Variants in RNF180 observed in about 807,000 individuals in gnomAD.
RNF180 encodes E3 ubiquitin-protein ligase RNF180.
RNF180 carries 38 observed loss-of-function variants against 59.2 expected under a neutral mutation model. The ratio of observed to expected loss-of-function variants is 0.64; its 90% CI spans 0.50 to 0.84. The LOEUF (loss-of-function observed/expected upper bound fraction) is 0.84, where lower values mean the gene tolerates loss of function less well. RNF180 is among the 40% of genes least tolerant of loss of function. RNF180 has a pLI of 0.00. For missense variants in RNF180, 705 were observed against 700.9 expected, an observed-to-expected ratio of 1.01 and a Z score of -0.07; for synonymous variants, 262 against 240.3, an observed-to-expected ratio of 1.09 and a Z score of -0.84.
intron 2 of RNF180, among the ~76,000 whole-genome samples, chr5:64,209,894 C>A (rs1418203648): frequency 6.6e-6 from 1 of 151,998 alleles, no homozygotes; most frequent in Non-Finnish European, 1.5e-5. Flanking sequence ...TGTATCCATA[C>A]CTTTATTTTG....
intron 5 of RNF180, among the ~76,000 whole-genome samples, chr5:64,219,288 C>T (rs527628367): frequency 6.6e-6 from 1 of 151,978 alleles, no homozygotes; most frequent in Non-Finnish European, 1.5e-5. Flanking sequence ...GATAGTCTTG[C>T]ATTCCCGCCA....
intron 7 of RNF180, among the ~76,000 whole-genome samples, chr5:64,352,388 CTG>C (rs1745851804): frequency 6.6e-6 from 1 of 151,332 alleles, no homozygotes; most frequent in South Asian, 2.1e-4. Context: ...AGGGTTTTTT[CTG>C]TCTCTATCTC....
intron 5 of RNF180, among the ~76,000 whole-genome samples, chr5:64,308,033 G>T (rs1240835467): frequency 6.6e-6 from 1 of 151,720 alleles, no homozygotes; most frequent in African/African-American, 2.4e-5. Flanking sequence ...TTAATAGTAT[G>T]AATTTTAGAA....
chr5:64,293,734 G>T (rs746410259), intron 5 of RNF180, among the ~76,000 whole-genome samples: 5 of 152,004 alleles, frequency 3.3e-5, no homozygotes, highest in Non-Finnish European at 5.9e-5. Context: ...ATTACTTCCA[G>T]AGTTATGTAC....
chr5:64,331,012 A>T (rs1744882564), intron 7 of RNF180, among the ~76,000 whole-genome samples: 1 of 151,988 alleles, frequency 6.6e-6, no homozygotes, highest in East Asian at 1.9e-4. Context: ...CCTGGCACCC[A>T]CTCCAATTTC....
rs115195309 is a variant in RNF180 at position 64,189,354 on chromosome 5, C to T, written c.1-11454C>T. Among the ~76,000 whole-genome samples, 503 of 152,166 alleles carry T rather than the reference C, an allele frequency of 3.3e-3. 1 individual carries two copies. Among genetic ancestry groups the T allele is most frequent in the African/African-American group, 0.012 (489 of 41,514 alleles). The stretch of plus-strand genomic sequence containing the variant: ...CTCTGTTAGAAAAAGCCTAGATTAA[C>T]TTGAAGGAATCATTGGTAGGAATGT... On this transcript the variant is annotated intron_variant, in intron 1 of 7. Coordinates refer to ENST00000389100, the MANE Select transcript of RNF180 (RefSeq NM_001113561.2).
intron 5 of RNF180, among the ~76,000 whole-genome samples, chr5:64,239,067 A>G (rs927067291): frequency 4.6e-5 from 7 of 152,136 alleles, no homozygotes. Flanking sequence ...GCTTTTGGAA[A>G]ATTTATCATT....
intron 7 of RNF180, among the ~76,000 whole-genome samples, chr5:64,335,768 A>C (rs1745099939): frequency 6.6e-6 from 1 of 152,080 alleles, no homozygotes; most frequent in African/African-American, 2.4e-5. Context: ...CTTCCATATA[A>C]ATTTTTAAAT....
At chr5:64,181,290 A>G (rs1397032057) in intron 1 of RNF180, among the ~76,000 whole-genome samples, 2 of 152,210 alleles carry the variant, frequency 1.3e-5, no homozygotes, top group Non-Finnish European at 1.5e-5. Flanking sequence ...AATACTTTGC[A>G]TCCTACAATC....
At chr5:64,177,616 T>C (rs950329808) in intron 1 of RNF180, among the ~76,000 whole-genome samples, 5 of 148,426 alleles carry the variant, frequency 3.4e-5, no homozygotes, top group African/African-American at 1.2e-4. Context: ...CAGTGGTTAA[T>C]AGCAGTATAT....
chr5:64,257,239 G>A (rs1014740722), intron 5 of RNF180, among the ~76,000 whole-genome samples: 9 of 152,244 alleles, frequency 5.9e-5, no homozygotes, highest in East Asian at 5.8e-4. Context: ...CCAACACTAC[G>A]TTGAATAGGA....
At chr5:64,198,368 T>C (rs1289217607) in intron 1 of RNF180, among the ~76,000 whole-genome samples, 1 of 152,156 alleles carries the variant, frequency 6.6e-6, no homozygotes, top group African/African-American at 2.4e-5. Flanking sequence ...GAGATGTGCA[T>C]TGGCATTTGG....
At chr5:64,326,923 G>C (rs1227570730) in intron 6 of RNF180, among the ~76,000 whole-genome samples, 1 of 152,128 alleles carries the variant, frequency 6.6e-6, no homozygotes, top group East Asian at 1.9e-4. Context: ...GGCAGTGAAG[G>C]CCTCCACAGC....
chr5:64,242,610 A>G (rs970791330), intron 5 of RNF180, among the ~76,000 whole-genome samples: 3 of 152,218 alleles, frequency 2.0e-5, no homozygotes, highest in African/African-American at 7.2e-5. Context: ...ACAAATCTTC[A>G]AGTTATAGGA....
chr5:64,329,131 G>A (rs556913166), intron 6 of RNF180, among the ~76,000 whole-genome samples: 1 of 152,214 alleles, frequency 6.6e-6, no homozygotes, highest in African/African-American at 2.4e-5. Flanking sequence ...CAAGTATATA[G>A]CAATAGACTC....
chr5:64,207,028 TG>T (rs757099526), intron 2 of RNF180, among the ~76,000 whole-genome samples: 2 of 152,048 alleles, frequency 1.3e-5, no homozygotes, highest in Non-Finnish European at 2.9e-5. Context: ...AGAAGAGAAA[TG>T]GTATGTCCTT....
In RNF180 at chr5:64,371,201, C is replaced by A. The variant is rs1447286475; in HGVS notation, c.*1387C>A. The A allele has an allele frequency of 6.6e-6, 1 of 151,536 alleles. No individual in the cohort carries two copies. The highest frequency in any genetic ancestry group is 2.4e-5 in the African/African-American group (1 of 41,366). 9.4% of individuals were successfully genotyped at this position (151,536 alleles called of 1,614,324 possible). On this transcript the variant is annotated 3_prime_UTR_variant, in exon 8 of 8. Coordinates refer to ENST00000389100, the MANE Select transcript of RNF180 (RefSeq NM_001113561.2). ...TATATCTATTACAGAAAATAGTATACACTAGACATCAAATCCAGAAATCAG... is the reference window on the plus strand; with the variant it reads ...TATATCTATTACAGAAAATAGTATAAACTAGACATCAAATCCAGAAATCAG...
At chr5:64,268,760 C>T (rs1340701731) in intron 5 of RNF180, among the ~76,000 whole-genome samples, 2 of 152,238 alleles carry the variant, frequency 1.3e-5, no homozygotes, top group East Asian at 1.9e-4. Flanking sequence ...AGTCCATCAC[C>T]GTGTCATATT....
At chr5:64,238,214 C>T (rs1742569588) in intron 5 of RNF180, among the ~76,000 whole-genome samples, 1 of 152,072 alleles carries the variant, frequency 6.6e-6, no homozygotes, top group South Asian at 2.1e-4. Context: ...ATATGTTTAT[C>T]CCACATTTTC....
Sources: allele counts gnomAD v4.1 joint callset (sites outside exome capture counted in the v4.1 genomes callset), GRCh38; gene constraint gnomAD v4.1.1; transcripts MANE v1.5; gene names NCBI Gene and HGNC (gene_info 2026-07-23, HGNC 2026-07-21).